The following MTIF3 variants were observed in gnomAD, a reference collection of about 807,000 sequenced individuals.
MTIF3 encodes translation initiation factor IF-3, mitochondrial.
Under a neutral mutation model 20.7 loss-of-function variants are expected in MTIF3, and 13 were observed. The ratio of observed to expected loss-of-function variants is 0.63; its 90% CI spans 0.41 to 1.00. The LOEUF (loss-of-function observed/expected upper bound fraction) is 1.00. Among genes scored for constraint, MTIF3 ranks in the 50% least tolerant of loss-of-function variants. The pLI is 0.00. For missense variants in MTIF3, 295 were observed against 324.5 expected (o/e 0.91, Z 0.70); for synonymous variants, 114 against 112.5 (o/e 1.01, Z -0.08).
chr13:27,444,149 A>G (rs938402907), intron 2 of MTIF3, among the ~76,000 whole-genome samples: 1 of 152,064 alleles, frequency 6.6e-6, no homozygotes, highest in Non-Finnish European at 1.5e-5. Context: ...TAAAAAATAA[A>G]ATAAAAATTA....
At chr13:27,436,337 T>A (rs527582745) in intron 4 of MTIF3, among the ~76,000 whole-genome samples, 1 of 152,100 alleles carries the variant, frequency 6.6e-6, no homozygotes, top group Non-Finnish European at 1.5e-5. Flanking sequence ...TTGCGACCTA[T>A]GCTTAAGTGA....
chr13:27,437,309 C>G (rs1953818525), intron 3 of MTIF3, 36 bp from the exon 4 acceptor site: 1 of 1,589,766 alleles, frequency 6.3e-7, no homozygotes, highest in Non-Finnish European at 8.6e-7. Flanking sequence ...GGACTACTGA[C>G]TAGTCCACTG....
chr13:27,438,416 G>A (rs1953867103), intron 3 of MTIF3, among the ~76,000 whole-genome samples: 1 of 149,810 alleles, frequency 6.7e-6, no homozygotes, highest in Non-Finnish European at 1.5e-5. Context: ...CTGGATCCCA[G>A]GAGATGGAGG....
At chr13:27,442,985 A>G (rs1302620155) in intron 2 of MTIF3, among the ~76,000 whole-genome samples, 3 of 152,198 alleles carry the variant, frequency 2.0e-5, no homozygotes, top group Non-Finnish European at 4.4e-5. Flanking sequence ...CTCAGCATGC[A>G]CATGTCGAAT....
At chr13:27,450,132 C>G (rs1451171125) in intron 1 of MTIF3, 3 of 152,276 alleles carry the variant, frequency 2.0e-5, no homozygotes, top group Admixed American at 6.5e-5. Context: ...AAGTCGGCGG[C>G]GACGCCCACC....
At position 27,450,530 on chromosome 13, in the gene MTIF3, A is replaced by T. The variant is rs1341888625; in HGVS notation, c.-92T>A. On this transcript the variant is annotated 5_prime_UTR_variant, in exon 1 of 5. Transcript: ENST00000381120. ...TTACCTGTGCTGGGGCAAGCGATTGACATACTGTAGCGGACGCAAGTACAG... is the reference window on the plus strand; with the variant it reads ...TTACCTGTGCTGGGGCAAGCGATTGTCATACTGTAGCGGACGCAAGTACAG... 1 of 152,288 alleles carries T rather than the reference A, an allele frequency of 6.6e-6. No individual in the cohort carries two copies. The highest frequency in any genetic ancestry group is 1.5e-5 in the Non-Finnish European group (1 of 68,088). 9.4% of individuals were successfully genotyped at this position (152,288 alleles called of 1,614,324 possible).
At chr13:27,449,287 GA>G (rs1267652455) in intron 1 of MTIF3, among the ~76,000 whole-genome samples, 1 of 151,900 alleles carries the variant, frequency 6.6e-6, no homozygotes, top group Non-Finnish European at 1.5e-5. Context: ...TTAAAACATC[GA>G]CCACCTCGTT....
intron 3 of MTIF3, among the ~76,000 whole-genome samples, chr13:27,438,782 C>T (rs1953888889): frequency 2.0e-5 from 3 of 151,994 alleles, no homozygotes; most frequent in African/African-American, 7.2e-5. Context: ...AGACGTGAGC[C>T]ACCACGCCCA....
At chr13:27,444,295 ACT>A (rs1954103047) in intron 2 of MTIF3, among the ~76,000 whole-genome samples, 1 of 151,618 alleles carries the variant, frequency 6.6e-6, no homozygotes, top group Non-Finnish European at 1.5e-5. Context: ...ACAGAGCGAG[ACT>A]CTGTCTCAAA....
intron 1 of MTIF3, among the ~76,000 whole-genome samples, chr13:27,448,551 G>A (rs1281961182): frequency 6.6e-6 from 1 of 152,078 alleles, no homozygotes; most frequent in Admixed American, 6.6e-5. Context: ...CTCTTCCATA[G>A]GGAGCACAAA....
intron 3 of MTIF3, 115 bp downstream of exon 3, chr13:27,439,874 G>A: frequency 1.1e-6 from 1 of 873,678 alleles, no homozygotes; most frequent in East Asian, 2.7e-5. Context: ...GTTGAATCAT[G>A]AATTTTCTAG....
chr13:27,444,177 G>A (rs894671048), intron 2 of MTIF3, among the ~76,000 whole-genome samples: 36 of 152,128 alleles, frequency 2.4e-4, no homozygotes, highest in Admixed American at 1.3e-4. Context: ...GTGGTGGCGG[G>A]CGCCTGTAGT....
chr13:27,449,523 G>C (rs1236276640), intron 1 of MTIF3, among the ~76,000 whole-genome samples: 1 of 152,174 alleles, frequency 6.6e-6, no homozygotes, highest in Non-Finnish European at 1.5e-5. Flanking sequence ...CTCGTCCTTG[G>C]TTTAGGAAAC....
chr13:27,441,311 C>T (rs1953996783), intron 2 of MTIF3: 1 of 152,102 alleles, frequency 6.6e-6, no homozygotes, highest in Non-Finnish European at 1.5e-5. Context: ...AATTGATAAA[C>T]TTCTAATATA....
intron 1 of MTIF3, among the ~76,000 whole-genome samples, chr13:27,449,084 A>C (rs113518556): frequency 0.025 from 3,757 of 152,238 alleles, 72 homozygotes; most frequent in South Asian, 0.091. Flanking sequence ...CTCCTATGTT[A>C]ATCCTATGTT....
At chr13:27,437,968 T>A (rs143539998) in intron 3 of MTIF3, among the ~76,000 whole-genome samples, 17 of 152,240 alleles carry the variant, frequency 1.1e-4, no homozygotes, top group Non-Finnish European at 1.9e-4. Flanking sequence ...TACGGTTTTT[T>A]CCATCATACA....
intron 2 of MTIF3, among the ~76,000 whole-genome samples, chr13:27,443,723 TA>T (rs1444830015): frequency 6.6e-6 from 1 of 152,092 alleles, no homozygotes; most frequent in African/African-American, 2.4e-5. Context: ...TATTAAAATA[TA>T]AAAAATTTCA....
intron 1 of MTIF3, among the ~76,000 whole-genome samples, chr13:27,448,467 T>C (rs1275661954): frequency 6.6e-6 from 1 of 152,218 alleles, no homozygotes; most frequent in Non-Finnish European, 1.5e-5. Flanking sequence ...GCCTGAGCAG[T>C]GCAGCCTTAA....
chr13:27,436,112 C>A (rs769323878), intron 4 of MTIF3, among the ~76,000 whole-genome samples: 1 of 152,316 alleles, frequency 6.6e-6, no homozygotes, highest in South Asian at 2.1e-4. Flanking sequence ...AATTTTAAAT[C>A]TCCACTTCGT....
Sources: allele counts gnomAD v4.1 joint callset (sites outside exome capture counted in the v4.1 genomes callset), GRCh38; gene constraint gnomAD v4.1.1; transcripts MANE v1.5; gene names NCBI Gene and HGNC (gene_info 2026-07-23, HGNC 2026-07-21).